Variants in MYH11 observed in about 807,000 individuals in gnomAD.
MYH11 encodes the protein myosin-11.
MYH11 carries 80 observed loss-of-function variants against 246.6 expected under a neutral mutation model. The observed-to-expected ratio is 0.32, with a 90% CI of 0.27 to 0.39. The LOEUF (loss-of-function observed/expected upper bound fraction) is 0.39. Among genes scored for constraint, MYH11 ranks in the 10% least tolerant of loss-of-function variants. MYH11 has a pLI of 1.00. For missense variants in MYH11, 2,158 were observed against 2,546.8 expected (o/e 0.85, Z 3.29); for synonymous variants, 1,071 against 1,015.5 (o/e 1.05, Z -1.04).
intron 8 of MYH11, among the ~76,000 whole-genome samples, chr16:15,775,284 T>G (rs1159074944): frequency 6.6e-6 from 1 of 152,234 alleles, no homozygotes; most frequent in East Asian, 1.9e-4. Context: ...TTCTGCACAC[T>G]GCCTGTTTTT....
chr16:15,741,651 G>A lies in MYH11; in HGVS notation c.2671C>T (p.Leu891=). The A allele has an allele frequency of 6.2e-7, 1 of 1,613,686 alleles. No homozygotes were observed. The highest frequency in any genetic ancestry group is 1.1e-5 in the South Asian group (1 of 91,086). Residue 891 remains leucine (L), a synonymous_variant, in exon 22 of 41, where the codon CTG becomes TTG. Coordinates refer to ENST00000300036, the MANE Select transcript of MYH11 (RefSeq NM_002474.3). ...TCTGCCTGCAGCTGTTCCTGTAGCA[G>A]GTTCTTCTCCTCGGTCAGCTGCACG... is the stretch of plus-strand genomic sequence containing the variant. The part of the protein sequence containing the change: ...KHSQLTEEKN[L]LQEQLQAETE...
intron 3 of MYH11, among the ~76,000 whole-genome samples, chr16:15,802,186 G>T (rs570574384): frequency 6.6e-6 from 1 of 152,216 alleles, no homozygotes; most frequent in East Asian, 1.9e-4. Flanking sequence ...AGACAGAAAA[G>T]AAAGAGCCAC....
intron 1 of MYH11, among the ~76,000 whole-genome samples, chr16:15,844,182 G>A (rs1430524312): frequency 6.6e-6 from 1 of 152,154 alleles, no homozygotes; most frequent in African/African-American, 2.4e-5. Context: ...GCAAGGCACA[G>A]GAGAGCATGC....
In MYH11 at chr16:15,742,998, CTTTTTTT is replaced by C. The variant is rs57274938; in HGVS notation, c.2521-1114_2521-1108del. On this transcript the variant is annotated intron_variant, in intron 20 of 40. Transcript: ENST00000300036. The stretch of plus-strand genomic sequence containing the variant: ...TCCAACTAGACAGCTAGGTAGAAGT[CTTTTTTT>C]TTTTTTTTTTTAGCAGACCTATTCA... Among the ~76,000 whole-genome samples, 7 of 131,188 alleles carry C rather than the reference CTTTTTTT, an allele frequency of 5.3e-5. 1 individual carries two copies. The East Asian group carries it at 9.4e-4, about 18-fold the overall frequency. 86.1% of individuals were successfully genotyped at this position (131,188 alleles called of 152,430 possible).
Position 15,810,197 on chromosome 16 carries a change from C to T in MYH11, c.503-11510G>A, listed in dbSNP as rs572674327. Among the ~76,000 whole-genome samples, 17 of 151,832 alleles carry T rather than the reference C, an allele frequency of 1.1e-4. No individual in the cohort carries two copies. The East Asian group carries it at 3.2e-3, about 28-fold the overall frequency. On this transcript the variant is annotated intron_variant, in intron 3 of 40. Coordinates refer to ENST00000300036, the MANE Select transcript of MYH11 (RefSeq NM_002474.3). Reference sequence around the variant, plus strand: ...TATAGTCGCCCACCACCATGCCTGGCTAATTTTTTGTATTTTTAGTAGAGA... The same window carrying T: ...TATAGTCGCCCACCACCATGCCTGGTTAATTTTTTGTATTTTTAGTAGAGA...
At chr16:15,772,901 G>C (rs1001586298) in intron 8 of MYH11, among the ~76,000 whole-genome samples, 2 of 152,106 alleles carry the variant, frequency 1.3e-5, no homozygotes, top group Non-Finnish European at 2.9e-5. Context: ...TCTAATGCCT[G>C]ATAATCTGTC....
intron 14 of MYH11, among the ~76,000 whole-genome samples, chr16:15,755,429 C>G (rs2041685838): frequency 6.6e-6 from 1 of 152,134 alleles, no homozygotes; most frequent in Non-Finnish European, 1.5e-5. Context: ...ATTAGTCACC[C>G]CATTCCAGTT....
At chr16:15,761,993 GAC>G (rs1201650092) in intron 10 of MYH11, among the ~76,000 whole-genome samples, 1 of 152,168 alleles carries the variant, frequency 6.6e-6, no homozygotes, top group Non-Finnish European at 1.5e-5. Context: ...TTATGTTTTG[GAC>G]ACAGAGTCTC....
chr16:15,761,798 A>G lies in MYH11; in HGVS notation c.1130-1140T>C, dbSNP rs180800518. ...CATCCGGATTCCATTAATTTGCCAGATTTAGGGACTCTAATACATAACAAA... is the reference window on the plus strand; with the variant it reads ...CATCCGGATTCCATTAATTTGCCAGGTTTAGGGACTCTAATACATAACAAA... On this transcript the variant is annotated intron_variant, in intron 10 of 40. Transcript: ENST00000300036. 3.1e-4 allele frequency among the ~76,000 whole-genome samples: 47 copies of G among 152,116 alleles called. No homozygotes were observed. In the East Asian group the frequency reaches 9.1e-3, roughly 29 times the overall value.
At chr16:15,846,448 C>A (rs215576) in intron 1 of MYH11, among the ~76,000 whole-genome samples, 4 of 152,078 alleles carry the variant, frequency 2.6e-5, no homozygotes, top group Non-Finnish European at 5.9e-5. Flanking sequence ...AATGAGTCTC[C>A]GGTGTGCAAT....
chr16:15,825,372 G>A (rs216161), intron 2 of MYH11, among the ~76,000 whole-genome samples: 63,042 of 143,708 alleles, frequency 0.44, 14,362 homozygotes, highest in African/African-American at 0.55. Flanking sequence ...AACAACAGCC[G>A]GACCCCCTCT....
chr16:15,850,987 T>C (rs555250375), intron 1 of MYH11, among the ~76,000 whole-genome samples: 2 of 152,304 alleles, frequency 1.3e-5, no homozygotes, highest in African/African-American at 4.8e-5. Flanking sequence ...CCAAGAACTA[T>C]GGGAGGCCAA....
intron 2 of MYH11, among the ~76,000 whole-genome samples, chr16:15,830,270 T>C (rs2043698288): frequency 6.6e-6 from 1 of 152,192 alleles, no homozygotes; most frequent in Non-Finnish European, 1.5e-5. Context: ...GAAGCTGCAG[T>C]GCAATATCAC....
intron 16 of MYH11, among the ~76,000 whole-genome samples, chr16:15,748,805 T>C (rs566236019): frequency 3.7e-4 from 56 of 152,128 alleles, no homozygotes; most frequent in African/African-American, 1.3e-3. Flanking sequence ...TTTTTGTAGA[T>C]ATAGGGTCTT....
intron 36 of MYH11, 94 bp from the exon 37 acceptor site, chr16:15,718,532 A>C: frequency 6.8e-7 from 1 of 1,478,874 alleles, no homozygotes; most frequent in Non-Finnish European, 9.0e-7. Flanking sequence ...TATTGCCCTC[A>C]TCATCTAATG....
At chr16:15,715,315 C>T (rs1334976687) in intron 38 of MYH11, 43 bp from the exon 39 acceptor site, 2 of 1,600,108 alleles carry the variant, frequency 1.2e-6, no homozygotes, top group Admixed American at 3.3e-5. Flanking sequence ...CGGAGGGTGG[C>T]ACCCCTTGTA....
chr16:15,833,699 G>T (rs2043814914), intron 2 of MYH11, among the ~76,000 whole-genome samples: 1 of 152,182 alleles, frequency 6.6e-6, no homozygotes, highest in South Asian at 2.1e-4. Flanking sequence ...GAGCCTTGCA[G>T]AACGGAGGAG....
chr16:15,725,647 G>A, intron 28 of MYH11: 1 of 400,078 alleles, frequency 2.5e-6, no homozygotes, highest in African/African-American at 2.1e-5. Flanking sequence ...GGCGGCAAAA[G>A]CCCTGCTCTC....
At position 15,737,506 on chromosome 16, in the gene MYH11, G is replaced by A. The variant is rs543770978; in HGVS notation, c.3236C>T (p.Ala1079Val). ...CTTGGCCAGCTGCATCTTGAGCTCTGCGATCTGCGCCTGGAGGTCAGCGAT... is the reference window on the plus strand; with the variant it reads ...CTTGGCCAGCTGCATCTTGAGCTCTACGATCTGCGCCTGGAGGTCAGCGAT... Reference protein sequence around the residue: ...EQIADLQAQIAELKMQLAKKE... With the variant: ...EQIADLQAQIVELKMQLAKKE... The change falls in exon 25 of 41, where the codon GCA becomes GTA. Residue 1079 changes from alanine to valine, a missense_variant. Around this residue, in one of 11 missense-constraint regions of MYH11, gnomAD observed 284 missense variants for 315.4 expected, o/e 0.90. Coordinates refer to ENST00000300036, the MANE Select transcript of MYH11 (RefSeq NM_002474.3). 1.2e-6 allele frequency: 2 copies of A among 1,613,886 alleles called. No homozygotes were observed. Among genetic ancestry groups the A allele is most frequent in the Non-Finnish European group, 1.7e-6 (2 of 1,180,026 alleles).
Sources: allele counts gnomAD v4.1 joint callset (sites outside exome capture counted in the v4.1 genomes callset), GRCh38; gene constraint gnomAD v4.1.1; regional missense constraint gnomAD v4.1.1; transcripts MANE v1.5; gene names NCBI Gene and HGNC (gene_info 2026-07-23, HGNC 2026-07-21).